Variants in TENM2 observed in about 807,000 individuals in gnomAD.
The protein encoded by TENM2 is teneurin transmembrane protein 2.
In TENM2, 52 loss-of-function variants were observed where a neutral mutation model predicts 245.2. That is an observed-to-expected ratio of 0.21 (90% CI 0.17 to 0.27). The LOEUF (loss-of-function observed/expected upper bound fraction) is 0.27. Ranked by LOEUF, TENM2 falls within the 10% of genes least tolerant of loss-of-function variation. TENM2 has a pLI of 1.00. For synonymous variants in TENM2, 1,363 were observed against 1,438.9 expected, an observed-to-expected ratio of 0.95 and a Z score of 1.19; for missense variants, 3,046 against 3,666.8, an observed-to-expected ratio of 0.83 and a Z score of 4.37.
At chr5:167,016,915 G>A in the TENM2 span, among the ~76,000 whole-genome samples, 1 of 152,190 alleles carries the variant, frequency 6.6e-6, no homozygotes, top group Non-Finnish European at 1.5e-5. Context: ...AATTATCGAA[G>A]AAACCTCTAG....
chr5:167,853,550 G>C (rs1323557893), intron 2 of TENM2, among the ~76,000 whole-genome samples: 1 of 152,072 alleles, frequency 6.6e-6, no homozygotes, highest in Non-Finnish European at 1.5e-5. Flanking sequence ...TGGCTGCAAT[G>C]TGATTTTCTG....
chr5:167,120,542 T>C, the TENM2 span, among the ~76,000 whole-genome samples: 1 of 152,116 alleles, frequency 6.6e-6, no homozygotes, highest in South Asian at 2.1e-4. Flanking sequence ...TCATCAGGAG[T>C]TGTCTTTCTG....
At chr5:167,560,674 C>T (rs868786058) in intron 2 of TENM2, among the ~76,000 whole-genome samples, 4 of 152,166 alleles carry the variant, frequency 2.6e-5, no homozygotes, top group Non-Finnish European at 2.9e-5. Context: ...TGGGAGCAAA[C>T]ATATAAAGCA....
intron 5 of TENM2, among the ~76,000 whole-genome samples, chr5:168,019,316 G>A (rs1381431483): frequency 6.6e-6 from 1 of 152,226 alleles, no homozygotes; most frequent in African/African-American, 2.4e-5. Flanking sequence ...CTGAGTGGAA[G>A]AGGGCATGGA....
At chr5:167,451,788 A>G (rs1765601829) in intron 2 of TENM2, among the ~76,000 whole-genome samples, 1 of 152,000 alleles carries the variant, frequency 6.6e-6, no homozygotes, top group South Asian at 2.1e-4. Context: ...AGCTGGGACT[A>G]CAGGTGCCTG....
At chr5:167,066,909 A>C in the TENM2 span, among the ~76,000 whole-genome samples, 1 of 152,174 alleles carries the variant, frequency 6.6e-6, no homozygotes, top group East Asian at 1.9e-4. Context: ...CATATGATTT[A>C]GTACTCATTT....
chr5:167,341,659 G>T (rs1332972732), intron 1 of TENM2, among the ~76,000 whole-genome samples: 4 of 151,564 alleles, frequency 2.6e-5, no homozygotes, highest in African/African-American at 9.7e-5. Flanking sequence ...TGAAGATGAG[G>T]CTGTAGATCT....
chr5:167,041,640 A>G, the TENM2 span, among the ~76,000 whole-genome samples: 1 of 152,200 alleles, frequency 6.6e-6, no homozygotes, highest in African/African-American at 2.4e-5. Context: ...ATCCATTTTA[A>G]TTTCAGCACA....
intron 27 of TENM2, among the ~76,000 whole-genome samples, chr5:168,254,180 C>G (rs756674476): frequency 6.6e-6 from 1 of 152,200 alleles, no homozygotes; most frequent in African/African-American, 2.4e-5. Flanking sequence ...CTGTGAAGAA[C>G]GTGAGAAGAG....
chr5:167,653,038 T>C (rs1754583876), intron 2 of TENM2, among the ~76,000 whole-genome samples: 1 of 152,306 alleles, frequency 6.6e-6, no homozygotes, highest in Non-Finnish European at 1.5e-5. Flanking sequence ...AGTCATCTCT[T>C]TATTTTTTTC....
At chr5:167,693,223 T>C (rs566061683) in intron 2 of TENM2, among the ~76,000 whole-genome samples, 19 of 152,252 alleles carry the variant, frequency 1.2e-4, no homozygotes, top group Non-Finnish European at 2.6e-4. Context: ...ACTGCCGCAA[T>C]TGCCGTACCA....
chr5:167,242,522 C>T, the TENM2 span, among the ~76,000 whole-genome samples: 1 of 152,134 alleles, frequency 6.6e-6, no homozygotes, highest in Non-Finnish European at 1.5e-5. Context: ...TCCTCTGCTG[C>T]CCCTAAGACA....
chr5:167,703,954 T>C (rs1365389831), intron 2 of TENM2, among the ~76,000 whole-genome samples: 1 of 152,172 alleles, frequency 6.6e-6, no homozygotes, highest in African/African-American at 2.4e-5. Flanking sequence ...TTTCTTAACC[T>C]GAAGAAGAGG....
chr5:168,091,610 A>G (rs1792945517), intron 8 of TENM2, among the ~76,000 whole-genome samples: 1 of 152,208 alleles, frequency 6.6e-6, no homozygotes, highest in Admixed American at 6.5e-5. Flanking sequence ...TCTGTGAATC[A>G]GGGAAGATTA....
At chr5:167,858,807 G>A (rs1401280311) in intron 2 of TENM2, among the ~76,000 whole-genome samples, 1 of 149,416 alleles carries the variant, frequency 6.7e-6, no homozygotes, top group Non-Finnish European at 1.5e-5. Flanking sequence ...CGCCGCGCCG[G>A]CGAGCGCCGC....
rs118186331 is a variant in TENM2, at chr5:167,460,806, G to A, written c.502+85333G>A. On this transcript the variant is annotated intron_variant, in intron 2 of 28. Coordinates refer to ENST00000518659, the Ensembl canonical transcript of TENM2. ...GTAAATGTCTACTCCATTTGCCTCCGGGCTGGGCTTTTAAGGGACTCCTTT... is the reference window on the plus strand; with the variant it reads ...GTAAATGTCTACTCCATTTGCCTCCAGGCTGGGCTTTTAAGGGACTCCTTT... Among the ~76,000 whole-genome samples, 817 of 152,194 alleles carry A rather than the reference G, an allele frequency of 5.4e-3. 22 individuals carry two copies. In the East Asian group the frequency reaches 0.073, roughly 14 times the overall value.
the TENM2 span, among the ~76,000 whole-genome samples, chr5:167,174,077 G>T: frequency 2.3e-4 from 34 of 149,646 alleles, no homozygotes; most frequent in African/African-American, 8.3e-4. Context: ...GAGCTATGGT[G>T]TGCAAGGCTG....
intron 1 of TENM2, among the ~76,000 whole-genome samples, chr5:167,372,819 C>G (rs530061903): frequency 6.6e-6 from 1 of 152,272 alleles, no homozygotes; most frequent in South Asian, 2.1e-4. Context: ...ATAGAAAGAT[C>G]TTGTAATATT....
At chr5:167,596,550 T>C (rs1241293025) in intron 2 of TENM2, among the ~76,000 whole-genome samples, 1 of 152,032 alleles carries the variant, frequency 6.6e-6, no homozygotes, top group African/African-American at 2.4e-5. Context: ...TCCCAGCACT[T>C]TGGGAGGCCG....
Sources: allele counts gnomAD v4.1 joint callset (sites outside exome capture counted in the v4.1 genomes callset), GRCh38; gene constraint gnomAD v4.1.1; transcripts MANE v1.5; gene names NCBI Gene and HGNC (gene_info 2026-07-23, HGNC 2026-07-21).